Variants in TDRP observed in about 807,000 individuals in gnomAD.
TDRP encodes the protein testis development related protein.
TDRP carries 12 observed loss-of-function variants against 10.5 expected under a neutral mutation model. The ratio of observed to expected loss-of-function variants is 1.15; its 90% confidence interval spans 0.73 to 1.86. The LOEUF (loss-of-function observed/expected upper bound fraction) is 1.86. Among genes scored for constraint, TDRP ranks in the 40% most tolerant of loss-of-function variants. The probability of loss-of-function intolerance (pLI) is 0.00; values close to 1 mark genes in which losing one functional copy is unlikely to be tolerated. For missense variants in TDRP, 353 were observed against 229.2 expected, an observed-to-expected ratio of 1.54 and a Z score of -3.49; for synonymous variants, 139 against 95.4, an observed-to-expected ratio of 1.46 and a Z score of -2.67.
Position 494,488 on chromosome 8 carries a change from A to C in TDRP, c.212+6T>G, listed in dbSNP as rs199622087. 60 of 1,612,666 alleles carry C rather than the reference A, an allele frequency of 3.7e-5. 1 individual carries two copies. The East Asian group carries it at 8.0e-4, about 22-fold the overall frequency. The stretch of plus-strand genomic sequence containing the variant: ...ATGATCATTTTCTTACACAGTTATG[A>C]CTTACCCTTTGGACTTGGGAGATTT... On this transcript the variant is annotated splice_donor_region_variant and intron_variant, in intron 2 of 2. Coordinates refer to ENST00000324079, the MANE Select transcript of TDRP (RefSeq NM_001384899.1).
chr8:523,263 G>A (rs192438118), intron 1 of TDRP, among the ~76,000 whole-genome samples: 40 of 152,008 alleles, frequency 2.6e-4, no homozygotes, highest in South Asian at 8.3e-4. Flanking sequence ...ACTTAACCCC[G>A]CATATAAATG....
intron 1 of TDRP, among the ~76,000 whole-genome samples, chr8:519,939 T>A (rs1280597965): frequency 6.6e-6 from 1 of 152,132 alleles, no homozygotes. Flanking sequence ...TATGACCAGA[T>A]AAGTGGGCAA....
chr8:510,047 G>C (rs770174159), intron 1 of TDRP, among the ~76,000 whole-genome samples: 1 of 152,194 alleles, frequency 6.6e-6, no homozygotes, highest in African/African-American at 2.4e-5. Context: ...CCAGGAGGAA[G>C]CACAGAGCTG....
intron 1 of TDRP, among the ~76,000 whole-genome samples, chr8:516,776 T>A (rs977239349): frequency 6.6e-6 from 1 of 152,138 alleles, no homozygotes; most frequent in Non-Finnish European, 1.5e-5. Flanking sequence ...ACCAAATGAC[T>A]TGAAAACTTA....
At chr8:539,506 G>A (rs1473492595) in intron 1 of TDRP, among the ~76,000 whole-genome samples, 1 of 152,190 alleles carries the variant, frequency 6.6e-6, no homozygotes, top group Non-Finnish European at 1.5e-5. Context: ...ACAGACGAAA[G>A]AATGAGGAAG....
chr8:493,614 G>C (rs185964961), intron 2 of TDRP, among the ~76,000 whole-genome samples: 1 of 152,322 alleles, frequency 6.6e-6, no homozygotes, highest in East Asian at 1.9e-4. Context: ...TAATATCATT[G>C]GGTAGTCACT....
intron 1 of TDRP, among the ~76,000 whole-genome samples, chr8:531,809 A>C (rs1265254359): frequency 6.6e-6 from 1 of 152,198 alleles, no homozygotes; most frequent in Non-Finnish European, 1.5e-5. Context: ...CTGGCAAAGA[A>C]TAGCTAAAAG....
intron 1 of TDRP, among the ~76,000 whole-genome samples, chr8:528,952 C>G (rs1027525342): frequency 2.0e-5 from 3 of 152,104 alleles, no homozygotes; most frequent in Non-Finnish European, 2.9e-5. Flanking sequence ...GAAGCCAGTC[C>G]GAGTCCCAAA....
Position 491,285 on chromosome 8 carries a change from AAAG to A in TDRP, c.*1111_*1113del, listed in dbSNP as rs1800965393. On this transcript the variant is annotated 3_prime_UTR_variant, in exon 3 of 3. Transcript: ENST00000324079. ...AGGTTTTATTTTACTTTTAAACAAA[AAAG>A]AAAAATATACCTTTTCTTTCAAACC... The A allele has an allele frequency of 4.4e-6, 1 of 229,728 alleles. No individual in the cohort carries two copies. Among genetic ancestry groups the A allele is most frequent in the Admixed American group, 5.7e-5 (1 of 17,622 alleles). The allele number at this position is 229,728 out of a possible 1,614,324, so 14.2% of individuals were successfully genotyped here. A position where few individuals can be genotyped will look rare whatever the true frequency, so the allele number is the denominator to read the frequency against.
At position 531,559 on chromosome 8, in the gene TDRP, C is replaced by A. The variant is rs554828307; in HGVS notation, c.108+13091G>T. On this transcript the variant is annotated intron_variant, in intron 1 of 2. Coordinates refer to ENST00000324079, the MANE Select transcript of TDRP (RefSeq NM_001384899.1). ...TTGGTTGGTGTCAGAAGAAACCACACATACGGACACTTTTTATCTACGACA... is the reference window on the plus strand; with the variant it reads ...TTGGTTGGTGTCAGAAGAAACCACAAATACGGACACTTTTTATCTACGACA... 1.8e-4 allele frequency among the ~76,000 whole-genome samples: 27 copies of A among 152,284 alleles called. No homozygotes were observed. In the South Asian group the frequency reaches 5.2e-3, roughly 29 times the overall value.
At chr8:529,022 T>C (rs1184185780) in intron 1 of TDRP, among the ~76,000 whole-genome samples, 1 of 152,138 alleles carries the variant, frequency 6.6e-6, no homozygotes, top group African/African-American at 2.4e-5. Context: ...AGGAGAAAGA[T>C]ATAGGCTGGG....
chr8:534,388 C>A (rs140647120), intron 1 of TDRP, among the ~76,000 whole-genome samples: 2 of 152,298 alleles, frequency 1.3e-5, no homozygotes, highest in East Asian at 3.9e-4. Context: ...CAATGTGTGA[C>A]CTTGTTTTAC....
chr8:503,864 C>A (rs763229929), intron 1 of TDRP, among the ~76,000 whole-genome samples: 1 of 146,834 alleles, frequency 6.8e-6, no homozygotes, highest in Admixed American at 6.8e-5. Context: ...TCTGCACACA[C>A]CAACACGGAA....
chr8:514,685 C>T (rs914581451), intron 1 of TDRP, among the ~76,000 whole-genome samples: 4 of 152,198 alleles, frequency 2.6e-5, no homozygotes, highest in African/African-American at 9.7e-5. Context: ...CTACCAGTCA[C>T]CTCAGTGCCT....
In TDRP at chr8:544,795, G is replaced by A. The variant is rs554500161; in HGVS notation, c.-38C>T. Reference sequence around the variant, plus strand: ...TCCGGCGTCCCTCCGTCCGTGCGTCGGGCTGTGGCTCCGCGTCCCTCCCGG... The same window carrying A: ...TCCGGCGTCCCTCCGTCCGTGCGTCAGGCTGTGGCTCCGCGTCCCTCCCGG... On this transcript the variant is annotated 5_prime_UTR_variant, in exon 1 of 3. Transcript: ENST00000324079. 4 of 1,215,722 alleles carry A rather than the reference G, an allele frequency of 3.3e-6. No homozygotes were observed. Among genetic ancestry groups the A allele is most frequent in the African/African-American group, 3.1e-5 (2 of 63,768 alleles). 75.3% of individuals were successfully genotyped at this position (1,215,722 alleles called of 1,614,324 possible).
At chr8:504,420 G>A (rs1801398048) in intron 1 of TDRP, among the ~76,000 whole-genome samples, 2 of 152,066 alleles carry the variant, frequency 1.3e-5, no homozygotes, top group South Asian at 4.1e-4. Context: ...GTCAGTGGGG[G>A]GAGGCAGGGG....
intron 1 of TDRP, among the ~76,000 whole-genome samples, chr8:519,971 C>T (rs772863885): frequency 2.6e-5 from 4 of 152,154 alleles, no homozygotes; most frequent in South Asian, 2.1e-4. Flanking sequence ...TACCGGCATC[C>T]AGCTAAATAA....
chr8:534,432 TG>T (rs1802292106), intron 1 of TDRP, among the ~76,000 whole-genome samples: 1 of 152,196 alleles, frequency 6.6e-6, no homozygotes, highest in South Asian at 2.1e-4. Context: ...CTTTAATACC[TG>T]CTGTTGATTC....
At position 491,953 on chromosome 8, in the gene TDRP, T is replaced by C. The variant is rs893562763; in HGVS notation, c.*446A>G. 4.5e-6 allele frequency: 5 copies of C among 1,120,004 alleles called. No individual in the cohort carries two copies. The African/African-American group carries it at 4.9e-5, about 11-fold the overall frequency. 69.4% of individuals were successfully genotyped at this position (1,120,004 alleles called of 1,614,324 possible). On this transcript the variant is annotated 3_prime_UTR_variant, in exon 3 of 3. Transcript: ENST00000324079. ...ATTTAACATAACTTTGGAAGATTCA[T>C]CTTACCTCCTGACTAATTTTCTAGC... is the stretch of plus-strand genomic sequence containing the variant.
Sources: gnomAD v4.1 joint callset for allele counts (sites outside exome capture counted in the v4.1 genomes callset) on GRCh38, gnomAD v4.1.1 for gene constraint, MANE v1.5 for transcripts, NCBI Gene and HGNC (gene_info 2026-07-23, HGNC 2026-07-21) for gene names.